SYNE1: variants seen among roughly 807,000 people sequenced by gnomAD.
SYNE1 encodes spectrin repeat containing nuclear envelope protein 1.
In SYNE1, 616 loss-of-function variants were observed where a neutral mutation model predicts 1,111.0. The observed-to-expected ratio is 0.55, with a 90% CI of 0.52 to 0.59. The LOEUF (loss-of-function observed/expected upper bound fraction) is 0.59. Ranked by LOEUF, SYNE1 falls within the 20% of genes least tolerant of loss-of-function variation. SYNE1 has a pLI of 0.00. For synonymous variants in SYNE1, 3,855 were observed against 3,825.8 expected (o/e 1.01, Z -0.28); for missense variants, 10,006 against 10,417.0 (o/e 0.96, Z 1.72).
At chr6:152,443,321 G>A (rs980297764) in intron 30 of SYNE1, among the ~76,000 whole-genome samples, 1 of 152,152 alleles carries the variant, frequency 6.6e-6, no homozygotes, top group African/African-American at 2.4e-5. Flanking sequence ...CTGGAGTGCA[G>A]TGGGGCAATC....
rs535797510 is a variant in SYNE1, at chr6:152,232,689, T to C, written c.20713-424A>G. 9.2e-5 allele frequency among the ~76,000 whole-genome samples: 14 copies of C among 152,342 alleles called. No individual in the cohort carries two copies. The South Asian group carries it at 2.9e-3, about 32-fold the overall frequency. ...GAAAGAAAAATACCACACTACAAGC[T>C]ATCATTTTCTAGAGTTTTTGGCACT... is the stretch of plus-strand genomic sequence containing the variant. On this transcript the variant is annotated intron_variant, in intron 112 of 145. Transcript: ENST00000367255.
At chr6:152,405,533 T>G (rs943408528) in intron 45 of SYNE1, among the ~76,000 whole-genome samples, 2 of 152,220 alleles carry the variant, frequency 1.3e-5, no homozygotes, top group Non-Finnish European at 2.9e-5. Flanking sequence ...AGTGATATGT[T>G]TTTAGTTGTC....
intron 63 of SYNE1, among the ~76,000 whole-genome samples, chr6:152,363,514 TAAATAAATAAATAA>T (rs1156373644): frequency 8.3e-5 from 3 of 36,062 alleles, no homozygotes; most frequent in Non-Finnish European, 1.3e-4. Flanking sequence ...AATAAATAAA[TAAATAAATAAATAA>T]ATAAATAAAT....
At chr6:152,633,238 T>A (rs376478032) in intron 2 of SYNE1, among the ~76,000 whole-genome samples, 3 of 152,236 alleles carry the variant, frequency 2.0e-5, no homozygotes, top group Admixed American at 6.5e-5. Context: ...ATGGGCTGTA[T>A]ACCAATAAAT....
chr6:152,381,430 T>G (rs1267426287), intron 55 of SYNE1, 68 bp from the exon 56 acceptor site: 2 of 1,522,690 alleles, frequency 1.3e-6, no homozygotes, highest in Admixed American at 3.3e-5. Context: ...TTTTCAACTG[T>G]GTACACAGGG....
chr6:152,540,688 T>C (rs116616905), intron 3 of SYNE1, among the ~76,000 whole-genome samples: 97 of 152,338 alleles, frequency 6.4e-4, no homozygotes, highest in African/African-American at 2.3e-3. Flanking sequence ...TTTATGATAC[T>C]CCAGCTTAGC....
Position 152,239,523 on chromosome 6 carries a change from A to G in SYNE1, c.20067+10T>C, listed in dbSNP as rs895007864. The G allele has an allele frequency of 4.3e-6, 7 of 1,614,014 alleles. No homozygotes were observed. The highest frequency in any genetic ancestry group is 4.0e-5 in the African/African-American group (3 of 74,904). On this transcript the variant is annotated intron_variant, in intron 108 of 145. Coordinates refer to ENST00000367255, the MANE Select transcript of SYNE1 (RefSeq NM_182961.4). ...TTGCAGCACAGAAGATATGACATCA[A>G]TGGTCTCACCTCTAGAATGTACTCC... is the stretch of plus-strand genomic sequence containing the variant.
intron 3 of SYNE1, among the ~76,000 whole-genome samples, chr6:152,611,594 A>G (rs2099631540): frequency 6.6e-6 from 1 of 152,220 alleles, no homozygotes; most frequent in Admixed American, 6.5e-5. Flanking sequence ...TCAATGAGAC[A>G]GAAGGTTAAC....
intron 127 of SYNE1, among the ~76,000 whole-genome samples, chr6:152,197,206 C>A (rs1389582293): frequency 6.6e-6 from 1 of 152,184 alleles, no homozygotes; most frequent in Non-Finnish European, 1.5e-5. Flanking sequence ...TCTTTCTGTA[C>A]TATGAAGTTG....
At chr6:152,386,324 C>G (rs569045509) in intron 54 of SYNE1, among the ~76,000 whole-genome samples, 1 of 152,222 alleles carries the variant, frequency 6.6e-6, no homozygotes, top group Admixed American at 6.5e-5. Flanking sequence ...GCCAGTCACA[C>G]ATTCAAAAGT....
At chr6:152,577,473 A>C (rs750355267) in intron 3 of SYNE1, among the ~76,000 whole-genome samples, 3 of 152,100 alleles carry the variant, frequency 2.0e-5, no homozygotes, top group Non-Finnish European at 4.4e-5. Flanking sequence ...TCTACTAAAA[A>C]CACAAAATAA....
chr6:152,253,015 GCA>G (rs1194828131), intron 104 of SYNE1, among the ~76,000 whole-genome samples: 97 of 152,254 alleles, frequency 6.4e-4, no homozygotes, highest in African/African-American at 2.2e-3. Flanking sequence ...GACTGCTGAG[GCA>G]CTCGGGGATT....
At chr6:152,458,334 T>C (rs142578637) in intron 22 of SYNE1, among the ~76,000 whole-genome samples, 469 of 152,324 alleles carry the variant, frequency 3.1e-3, no homozygotes, top group Non-Finnish European at 5.5e-3. Context: ...CTTTGCACTT[T>C]CTGTAGTTGG....
chr6:152,300,881 G>T (rs1275805782), intron 92 of SYNE1, 100 bp from the exon 93 acceptor site: 1 of 1,556,762 alleles, frequency 6.4e-7, no homozygotes, highest in African/African-American at 1.4e-5. Flanking sequence ...ATTATAAAAC[G>T]AAGGTTAAAA....
At chr6:152,484,757 C>T in intron 13 of SYNE1, 78 bp downstream of exon 13, 1 of 1,501,566 alleles carries the variant, frequency 6.7e-7, no homozygotes, top group South Asian at 1.2e-5. Flanking sequence ...TGCCATACCA[C>T]TGTGTAGAAA....
At chr6:152,510,518 T>C (rs186289528) in intron 7 of SYNE1, 147 bp from the exon 8 acceptor site, 10 of 881,790 alleles carry the variant, frequency 1.1e-5, no homozygotes, top group East Asian at 2.6e-5. Flanking sequence ...GCATGATTGA[T>C]ATCTTACTCC....
chr6:152,397,894 G>A (rs937796683), intron 49 of SYNE1, among the ~76,000 whole-genome samples: 1 of 151,888 alleles, frequency 6.6e-6, no homozygotes, highest in African/African-American at 2.4e-5. Flanking sequence ...CCAGCTACTT[G>A]GGAGGCTGAG....
At chr6:152,522,692 T>C (rs2099145744) in intron 5 of SYNE1, among the ~76,000 whole-genome samples, 1 of 152,172 alleles carries the variant, frequency 6.6e-6, no homozygotes. Context: ...AGCGTTCCCT[T>C]TACAACACTT....
intron 8 of SYNE1, among the ~76,000 whole-genome samples, chr6:152,506,542 T>G (rs1047095420): frequency 4.6e-5 from 7 of 151,610 alleles, no homozygotes; most frequent in Non-Finnish European, 8.8e-5. Context: ...ATTATTATCA[T>G]TATTATTATT....
Sources: allele counts gnomAD v4.1 joint callset (sites outside exome capture counted in the v4.1 genomes callset), GRCh38; gene constraint gnomAD v4.1.1; transcripts MANE v1.5; gene names NCBI Gene and HGNC (gene_info 2026-07-23, HGNC 2026-07-21).